BACH1: variants seen among roughly 807,000 people sequenced by gnomAD.
BACH1 encodes BTB domain and CNC homolog 1, also known as transcription regulator protein BACH1.
Under a neutral mutation model 52.9 loss-of-function variants are expected in BACH1, and 35 were observed. That is an observed-to-expected ratio of 0.66 (90% CI 0.51 to 0.88). BACH1 has a LOEUF of 0.88. Among genes scored for constraint, BACH1 ranks in the 40% least tolerant of loss-of-function variants. BACH1 has a pLI of 0.00. For missense variants in BACH1, 808 were observed against 872.6 expected, an observed-to-expected ratio of 0.93 and a Z score of 0.93; for synonymous variants, 321 against 319.6, an observed-to-expected ratio of 1.00 and a Z score of -0.05.
intron 1 of BACH1, among the ~76,000 whole-genome samples, chr21:29,301,605 C>T (rs1347347601): frequency 1.3e-5 from 2 of 152,074 alleles, no homozygotes; most frequent in Non-Finnish European, 2.9e-5. Context: ...CATTTGATAA[C>T]CTGTATTTTG....
chr21:29,355,280 G>A lies in BACH1; in HGVS notation c.472+25587G>A, dbSNP rs564452051. 1.6e-4 allele frequency among the ~76,000 whole-genome samples: 24 copies of A among 151,942 alleles called. No individual in the cohort carries two copies. In the South Asian group the frequency reaches 3.1e-3, roughly 20 times the overall value. On this transcript the variant is annotated intron_variant, in intron 2 of 4. Transcript: ENST00000422809. ...GTTTTTACAGAGGGCTGTTTGGTGCGTTTACAAACCCTTAGCTAGACACAG... is the reference window on the plus strand; with the variant it reads ...GTTTTTACAGAGGGCTGTTTGGTGCATTTACAAACCCTTAGCTAGACACAG...
intron 4 of BACH1, among the ~76,000 whole-genome samples, chr21:29,336,505 C>T (rs886867955): frequency 3.9e-5 from 6 of 152,066 alleles, no homozygotes; most frequent in South Asian, 2.1e-4. Flanking sequence ...ATAATTATCC[C>T]GTTCCCCAAT....
At position 29,319,653 on chromosome 21, in the gene BACH1, A is replaced by G. The variant is rs982947523; in HGVS notation, c.-60-1568A>G. On this transcript the variant is annotated intron_variant, in intron 1 of 4. Transcript: ENST00000286800. ...GCTGTGTTCAAAAGAATGATGAGCT[A>G]TAGAAGTAAGATTAGTATAGTTTTG... Among the ~76,000 whole-genome samples, 8 of 149,146 alleles carry G rather than the reference A, an allele frequency of 5.4e-5. 1 individual carries two copies. The highest frequency in any genetic ancestry group is 2.7e-4 in the Admixed American group (4 of 14,808).
chr21:29,326,627 C>T lies in BACH1; in HGVS notation c.803C>T (p.Pro268Leu), dbSNP rs756562023. Residue 268 changes from proline to leucine, a missense_variant, in exon 3 of 5, where the codon CCG becomes CTG. By Grantham distance (98) the Pro-to-Leu change is moderately conservative (BLOSUM62 -3). Transcript: ENST00000286800. ...GAAAATGAATGCCTGGGAGGAGTCCCGGAGTGTAGAGATTTGCAGGTGATG... is the reference window on the plus strand; with the variant it reads ...GAAAATGAATGCCTGGGAGGAGTCCTGGAGTGTAGAGATTTGCAGGTGATG... The part of the protein sequence containing the change: ...RSENECLGGV[P>L]ECRDLQVMLK... 32 of 1,613,990 alleles carry T rather than the reference C, an allele frequency of 2.0e-5. No individual in the cohort carries two copies. In the East Asian group the frequency reaches 2.7e-4, roughly 13 times the overall value.
intron 1 of BACH1, among the ~76,000 whole-genome samples, 175 bp from the exon 2 acceptor site, chr21:29,321,046 T>C (rs2088841685): frequency 6.6e-6 from 1 of 152,238 alleles, no homozygotes; most frequent in Non-Finnish European, 1.5e-5. Flanking sequence ...TTAGAAAAAC[T>C]GCTATCAAGA....
intron 2 of BACH1, 84 bp downstream of exon 2, chr21:29,321,598 C>T: frequency 1.6e-6 from 2 of 1,254,416 alleles, no homozygotes; most frequent in Non-Finnish European, 2.2e-6. Context: ...AAAGCACAGT[C>T]TCCTTGTCAG....
chr21:29,358,763 AG>A (rs1282752656), intron 2 of BACH1, among the ~76,000 whole-genome samples: 4 of 97,514 alleles, frequency 4.1e-5, no homozygotes, highest in Non-Finnish European at 8.4e-5. Flanking sequence ...AGAAAAGAAA[AG>A]AAAAGAAAAG....
chr21:29,330,372 G>A (rs1162854356), intron 4 of BACH1, among the ~76,000 whole-genome samples: 1 of 151,868 alleles, frequency 6.6e-6, no homozygotes, highest in Non-Finnish European at 1.5e-5. Context: ...AGTAGAGATG[G>A]GGTTTCACTG....
Position 29,344,034 on chromosome 21 carries a change from C to T in BACH1, c.*1201C>T, listed in dbSNP as rs2089143448. The T allele has an allele frequency of 6.6e-6, 1 of 152,192 alleles. No homozygotes were observed. Among genetic ancestry groups the T allele is most frequent in the Non-Finnish European group, 1.5e-5 (1 of 68,028 alleles). 9.4% of individuals were successfully genotyped at this position (152,192 alleles called of 1,614,324 possible). ...TTAACTTGGACATTTAAAGATCAGT[C>T]TTAGTGTTTGTTCAGTCCTGTTACA... On this transcript the variant is annotated 3_prime_UTR_variant, in exon 5 of 5. Transcript: ENST00000286800.
chr21:29,359,843 C>G (rs1324644343), intron 2 of BACH1, among the ~76,000 whole-genome samples: 1 of 152,194 alleles, frequency 6.6e-6, no homozygotes, highest in Non-Finnish European at 1.5e-5. Context: ...ACCTTATCTT[C>G]ACAGGCCCAG....
At chr21:29,360,220 G>A (rs2089263107) in intron 2 of BACH1, among the ~76,000 whole-genome samples, 1 of 152,102 alleles carries the variant, frequency 6.6e-6, no homozygotes, top group African/African-American at 2.4e-5. Context: ...TTGGGTACAT[G>A]TCATCATGTA....
chr21:29,307,347 T>C (rs965140280), intron 1 of BACH1, among the ~76,000 whole-genome samples: 3 of 152,358 alleles, frequency 2.0e-5, no homozygotes, highest in African/African-American at 7.2e-5. Context: ...TTTTGCTGTA[T>C]GTGTACATTG....
At chr21:29,307,407 T>TTGTGTGTGTGTGTG (rs139633407) in intron 1 of BACH1, among the ~76,000 whole-genome samples, 15 of 149,916 alleles carry the variant, frequency 1.0e-4, no homozygotes, top group African/African-American at 3.7e-4. Context: ...TCACTTACCT[T>TTGTGTGTGTGTGTG]TGTGTGTGTG....
Position 29,343,086 on chromosome 21 carries a change from G to T in BACH1, c.*253G>T, listed in dbSNP as rs1408075602. The T allele has an allele frequency of 9.2e-6, 3 of 326,744 alleles. No individual in the cohort carries two copies. The highest frequency in any genetic ancestry group is 1.7e-5 in the Non-Finnish European group (3 of 178,014). 20.2% of individuals were successfully genotyped at this position (326,744 alleles called of 1,614,324 possible). On this transcript the variant is annotated 3_prime_UTR_variant, in exon 5 of 5. Transcript: ENST00000286800. ...AAACCTTTAAAACTCATGTTTTAAAGAATAATAACTCTAGTAATAACTCTT... is the reference window on the plus strand; with the variant it reads ...AAACCTTTAAAACTCATGTTTTAAATAATAATAACTCTAGTAATAACTCTT...
rs550120911 is a variant in BACH1, at chr21:29,315,739, T to TA, written c.-60-5481dup. 1.6e-4 allele frequency among the ~76,000 whole-genome samples: 25 copies of TA among 152,344 alleles called. No homozygotes were observed. The South Asian group carries it at 5.2e-3, about 32-fold the overall frequency. On this transcript the variant is annotated intron_variant, in intron 1 of 4. Transcript: ENST00000286800. ...GGAAAGTAGTTTTTGTTTGAAGACT[T>TA]ACTTCAAATAAATACCTTTCCAGAT...
At chr21:29,336,696 A>T (rs1378531088) in intron 4 of BACH1, among the ~76,000 whole-genome samples, 1 of 151,132 alleles carries the variant, frequency 6.6e-6, no homozygotes, top group African/African-American at 2.4e-5. Flanking sequence ...ACAGAGTCTC[A>T]CTCTGTTGCC....
intron 1 of BACH1, among the ~76,000 whole-genome samples, chr21:29,301,085 T>A (rs540909521): frequency 2.0e-5 from 3 of 152,258 alleles, no homozygotes; most frequent in Non-Finnish European, 2.9e-5. Context: ...GTGAAAAAAA[T>A]GATGATTCCT....
chr21:29,309,142 C>G lies in BACH1; in HGVS notation c.-61+10189C>G, dbSNP rs141379459. ...GCGTGGTGATGCTCGCCTGCAATCC[C>G]AGCTACTTGGGAGGCTGAGGCATGA... On this transcript the variant is annotated intron_variant, in intron 1 of 4. Transcript: ENST00000286800. Among the ~76,000 whole-genome samples the G allele has an allele frequency of 3.7e-3, 557 of 151,938 alleles. 4 individuals are homozygous for G. The highest frequency in any genetic ancestry group is 0.013 in the African/African-American group (529 of 41,420).
chr21:29,339,594 C>A (rs1320109154), intron 4 of BACH1, among the ~76,000 whole-genome samples: 1 of 150,054 alleles, frequency 6.7e-6, no homozygotes. Context: ...AAATATTGTG[C>A]ACTAGCTATT....
Sources: gnomAD v4.1 joint callset for allele counts (sites outside exome capture counted in the v4.1 genomes callset) on GRCh38, gnomAD v4.1.1 for gene constraint, MANE v1.5 for transcripts, NCBI Gene and HGNC (gene_info 2026-07-23, HGNC 2026-07-21) for gene names.